The following AOX1 variants were observed in gnomAD, a reference collection of about 807,000 sequenced individuals.
The protein encoded by AOX1 is aldehyde oxidase.
AOX1 carries 153 observed loss-of-function variants against 169.5 expected under a neutral mutation model. The ratio of observed to expected loss-of-function variants is 0.90; its 90% confidence interval spans 0.79 to 1.03. The LOEUF is 1.03. AOX1 is among the 50% of genes least tolerant of loss of function. The pLI is 0.00. For missense variants in AOX1, 1,656 were observed against 1,663.9 expected (o/e 1.00, Z 0.08); for synonymous variants, 562 against 581.9 (o/e 0.97, Z 0.49).
chr2:200,586,093 C>T lies in AOX1; in HGVS notation c.-16C>T. On this transcript the variant is annotated 5_prime_UTR_variant, in exon 1 of 35. Transcript: ENST00000374700. ...CGCCTCCCGCTCCGGGCCCTCGAAC[C>T]AGCGCGGACACCACAATGGACCGGG... 6.4e-7 allele frequency: 1 copy of T among 1,553,922 alleles called. No individual in the cohort carries two copies.
chr2:200,646,512 G>A (rs111289546), intron 25 of AOX1, among the ~76,000 whole-genome samples: 16,989 of 152,078 alleles, frequency 0.11, 1,593 homozygotes, highest in East Asian at 0.25. Flanking sequence ...TCCATGTGCC[G>A]TTGAATAGAA....
At chr2:200,665,981 C>T (rs560554794) in intron 31 of AOX1, among the ~76,000 whole-genome samples, 1 of 152,142 alleles carries the variant, frequency 6.6e-6, no homozygotes, top group African/African-American at 2.4e-5. Context: ...AATAAGGAAA[C>T]TCTTGGATTT....
At position 200,613,801 on chromosome 2, in the gene AOX1, C is replaced by T. The variant is rs1291597118; in HGVS notation, c.1449-3C>T. ...CTAGGAGTCTTCTCTTTGGACTTTC[C>T]AGGCACTGGAACGAACAGATGCTGG... On this transcript the variant is annotated splice_polypyrimidine_tract_variant and splice_region_variant and intron_variant, in intron 14 of 34. Transcript: ENST00000374700. 6.2e-7 allele frequency: 1 copy of T among 1,610,254 alleles called. No individual in the cohort carries two copies. The highest frequency in any genetic ancestry group is 8.5e-7 in the Non-Finnish European group (1 of 1,178,726).
chr2:200,618,711 T>G (rs10460401), intron 16 of AOX1, among the ~76,000 whole-genome samples: 52,189 of 151,946 alleles, frequency 0.34, 9,059 homozygotes, highest in South Asian at 0.41. Context: ...TGGGGAGCAC[T>G]CTTCTCGAGT....
exon 5 of AOX1, chr2:200,677,013 G>A (rs1410313381): frequency 2.5e-5 from 11 of 440,502 alleles, no homozygotes; most frequent in Non-Finnish European, 4.2e-5. Flanking sequence ...GTATGTGAAT[G>A]GAAGAACAGT....
At chr2:200,597,952 C>T (rs2034321768) in intron 4 of AOX1, among the ~76,000 whole-genome samples, 1 of 152,016 alleles carries the variant, frequency 6.6e-6, no homozygotes, top group African/African-American at 2.4e-5. Flanking sequence ...TACAAAAGTA[C>T]AAAAATTAGT....
At chr2:200,599,496 G>A (rs117511269) in intron 4 of AOX1, 124 bp from the exon 5 acceptor site, 1 of 719,920 alleles carries the variant, frequency 1.4e-6, no homozygotes, top group South Asian at 2.4e-5. Flanking sequence ...GCTCCCAGGG[G>A]CCTCTGCTGC....
intron 20 of AOX1, among the ~76,000 whole-genome samples, chr2:200,627,822 A>G: frequency 6.6e-6 from 1 of 152,326 alleles, no homozygotes; most frequent in East Asian, 1.9e-4. Context: ...CCAAGGTCAC[A>G]CAACAACTAC....
chr2:200,604,813 C>G lies in AOX1; in HGVS notation c.787C>G (p.Pro263Ala). 6.2e-7 allele frequency: 1 copy of G among 1,613,970 alleles called. No homozygotes were observed. Among genetic ancestry groups the G allele is most frequent in the Non-Finnish European group, 8.5e-7 (1 of 1,179,958 alleles). The change falls in exon 9 of 35, where the codon CCT becomes GCT. Residue 263 changes from proline to alanine, a missense_variant. Transcript: ENST00000374700. ...LEFKFKYPQAPVIMGNTSVGP... is the reference protein window; with the variant it reads ...LEFKFKYPQAAVIMGNTSVGP... ...ATTTAAATTCAAGTATCCCCAGGCT[C>G]CTGTTATCATGGGAAACACCTCTGT...
At chr2:200,637,694 G>A (rs1193450808) in intron 22 of AOX1, among the ~76,000 whole-genome samples, 1 of 152,016 alleles carries the variant, frequency 6.6e-6, no homozygotes, top group Admixed American at 6.6e-5. Context: ...ACATTCATTT[G>A]TATCGCCATT....
At chr2:200,592,070 G>C (rs191769654) in intron 1 of AOX1, among the ~76,000 whole-genome samples, 10 of 152,210 alleles carry the variant, frequency 6.6e-5, no homozygotes, top group Admixed American at 2.0e-4. Context: ...GAAGGAGTAA[G>C]TAAGTTTGGA....
chr2:200,637,014 T>C lies in AOX1; in HGVS notation c.2450T>C (p.Ile817Thr), dbSNP rs1435137180. The C allele has an allele frequency of 1.2e-6, 2 of 1,614,140 alleles. No homozygotes were observed. The highest frequency in any genetic ancestry group is 1.7e-6 in the Non-Finnish European group (2 of 1,180,000). ...GGGAAGGTGTTAAAAACCGGAATCATTGCAGCCGTCACTGCATTTGCCGCA... is the reference window on the plus strand; with the variant it reads ...GGGAAGGTGTTAAAAACCGGAATCACTGCAGCCGTCACTGCATTTGCCGCA... ...FGGKVLKTGI[I>T]AAVTAFAANK... The change falls in exon 22 of 35, where the codon ATT becomes ACT. Residue 817 changes from isoleucine (I) to threonine (T), a missense_variant. Ile to Thr is a moderately conservative substitution (Grantham distance 89). Coordinates refer to ENST00000374700, the MANE Select transcript of AOX1 (RefSeq NM_001159.4).
At chr2:200,622,059 GA>G (rs2034897287) in intron 18 of AOX1, among the ~76,000 whole-genome samples, 1 of 152,184 alleles carries the variant, frequency 6.6e-6, no homozygotes, top group South Asian at 2.1e-4. Context: ...GCTTAAATGG[GA>G]TTTTTAAAAG....
downstream of AOX1, among the ~76,000 whole-genome samples, chr2:200,679,663 C>G (rs551504491): frequency 8.5e-5 from 13 of 152,152 alleles, 1 homozygote; most frequent in South Asian, 8.3e-4. Context: ...GACGCCCCCC[C>G]CCGAGTCTGT....
chr2:200,667,927 G>A (rs1243185633), intron 32 of AOX1, among the ~76,000 whole-genome samples: 1 of 152,042 alleles, frequency 6.6e-6, no homozygotes, highest in African/African-American at 2.4e-5. Flanking sequence ...GGGGTCTCTG[G>A]ACACATCAGT....
Position 200,627,395 on chromosome 2 carries a change from C to T in AOX1, c.2167C>T (p.Leu723=). Reference sequence around the variant, plus strand: ...CTCCTCCTTCAAGCCAGAAAGGAAACTGGAATATGGAAATGTTGACGAAGC... The same window carrying T: ...CTCCTCCTTCAAGCCAGAAAGGAAATTGGAATATGGAAATGTTGACGAAGC... ...HNSSFKPERK[L]EYGNVDEAFK... The change falls in exon 20 of 35, where the codon CTG becomes TTG. Residue 723 remains leucine, a synonymous_variant. Transcript: ENST00000374700. 1.2e-6 allele frequency: 2 copies of T among 1,613,792 alleles called. No individual in the cohort carries two copies. The highest frequency in any genetic ancestry group is 1.1e-5 in the South Asian group (1 of 91,066).
chr2:200,671,463 A>C lies in AOX1; in HGVS notation c.*784A>C, dbSNP rs1185309905. 6.6e-6 allele frequency: 1 copy of C among 152,260 alleles called. No homozygotes were observed. Among genetic ancestry groups the C allele is most frequent in the Non-Finnish European group, 1.5e-5 (1 of 68,042 alleles). The allele number at this position is 152,260 out of a possible 1,614,324, so 9.4% of individuals were successfully genotyped here. On this transcript the variant is annotated 3_prime_UTR_variant, in exon 35 of 35. Transcript: ENST00000374700. ...GTAACAAAATATCACATGCATAAATATTATGTATCAATAAAATTTTTTAAT... is the reference window on the plus strand; with the variant it reads ...GTAACAAAATATCACATGCATAAATCTTATGTATCAATAAAATTTTTTAAT...
In AOX1 at chr2:200,634,712, C is replaced by T. The variant is rs541686564; in HGVS notation, c.2222-79C>T. The T allele has an allele frequency of 2.0e-4, 307 of 1,552,254 alleles. No homozygotes were observed. The African/African-American group carries it at 3.8e-3, about 19-fold the overall frequency. On this transcript the variant is annotated intron_variant, in intron 20 of 34. Coordinates refer to ENST00000374700, the MANE Select transcript of AOX1 (RefSeq NM_001159.4). The stretch of plus-strand genomic sequence containing the variant: ...AGAAGTACTATTAGTGGAATTTCTG[C>T]ATAACGGGATAATACCTGGGGGACG...
intron 31 of AOX1, among the ~76,000 whole-genome samples, chr2:200,664,558 T>C (rs1439185198): frequency 6.6e-6 from 1 of 152,254 alleles, no homozygotes. Context: ...ATTAGCCTAG[T>C]ATGAAATTTT....
Sources: allele counts gnomAD v4.1 joint callset (sites outside exome capture counted in the v4.1 genomes callset), GRCh38; gene constraint gnomAD v4.1.1; transcripts MANE v1.5; gene names NCBI Gene and HGNC (gene_info 2026-07-23, HGNC 2026-07-21).